Variants in ZNF804A observed in about 807,000 individuals in gnomAD.
The protein encoded by ZNF804A is zinc finger protein 804A.
Under a neutral mutation model 16.5 loss-of-function variants are expected in ZNF804A, and 2 were observed. The ratio of observed to expected loss-of-function variants is 0.12; its 90% CI spans 0.05 to 0.38. ZNF804A has a LOEUF of 0.38. Ranked by LOEUF, ZNF804A falls within the 10% of genes least tolerant of loss-of-function variation. The pLI is 0.99. For missense variants in ZNF804A, 1,473 were observed against 1,390.7 expected, an observed-to-expected ratio of 1.06 and a Z score of -0.94; for synonymous variants, 534 against 489.6, an observed-to-expected ratio of 1.09 and a Z score of -1.20.
intron 1 of ZNF804A, among the ~76,000 whole-genome samples, chr2:184,686,863 T>A (rs2105722697): frequency 6.6e-6 from 1 of 152,344 alleles, no homozygotes; most frequent in East Asian, 1.9e-4. Context: ...CCCATTCATG[T>A]TCTTTGTCCA....
chr2:184,615,552 C>G (rs980836341), intron 1 of ZNF804A, among the ~76,000 whole-genome samples: 3 of 152,102 alleles, frequency 2.0e-5, no homozygotes. Context: ...GTAACAGGAA[C>G]CTACTTGAAA....
chr2:184,903,213 T>C (rs1359644256), intron 2 of ZNF804A, among the ~76,000 whole-genome samples: 2 of 152,186 alleles, frequency 1.3e-5, no homozygotes, highest in Non-Finnish European at 2.9e-5. Flanking sequence ...TCATCAAATC[T>C]GACTCAGTAG....
chr2:184,744,522 T>C (rs1326476756), intron 1 of ZNF804A, among the ~76,000 whole-genome samples: 2 of 151,834 alleles, frequency 1.3e-5, no homozygotes. Context: ...AAGGAATATC[T>C]ATGAACCAGA....
intron 1 of ZNF804A, among the ~76,000 whole-genome samples, chr2:184,762,175 C>A (rs1263041690): frequency 6.7e-6 from 1 of 149,810 alleles, no homozygotes; most frequent in Non-Finnish European, 1.5e-5. Context: ...TTTTGGATAG[C>A]CCTAATGAAA....
chr2:184,647,037 T>G (rs1404842700), intron 1 of ZNF804A, among the ~76,000 whole-genome samples: 1 of 152,274 alleles, frequency 6.6e-6, no homozygotes, highest in African/African-American at 2.4e-5. Context: ...TGCAGCTAGC[T>G]CTTACTTATA....
intron 1 of ZNF804A, among the ~76,000 whole-genome samples, chr2:184,830,574 T>C (rs1275577366): frequency 6.6e-6 from 1 of 152,104 alleles, no homozygotes; most frequent in Non-Finnish European, 1.5e-5. Context: ...TGTAAAGCAA[T>C]GATGCTGTGA....
intron 1 of ZNF804A, among the ~76,000 whole-genome samples, chr2:184,690,970 A>C (rs1692716164): frequency 6.6e-6 from 1 of 152,068 alleles, no homozygotes; most frequent in South Asian, 2.1e-4. Flanking sequence ...TATGCAAAAA[A>C]ATTCACAATA....
At chr2:184,701,018 G>T (rs893404268) in intron 1 of ZNF804A, among the ~76,000 whole-genome samples, 4 of 151,836 alleles carry the variant, frequency 2.6e-5, no homozygotes, top group African/African-American at 7.2e-5. Context: ...ATACATTGTT[G>T]TGAACTATAT....
chr2:184,745,078 CT>C (rs1477912662), intron 1 of ZNF804A, among the ~76,000 whole-genome samples: 3 of 151,768 alleles, frequency 2.0e-5, no homozygotes, highest in Non-Finnish European at 4.4e-5. Flanking sequence ...AGTTATTATA[CT>C]TTATATTACT....
At chr2:184,628,365 T>G (rs1461753305) in intron 1 of ZNF804A, among the ~76,000 whole-genome samples, 6 of 151,982 alleles carry the variant, frequency 3.9e-5, no homozygotes, top group Admixed American at 1.3e-4. Context: ...TTAAGGCTGA[T>G]CTGGTAATAT....
intron 1 of ZNF804A, among the ~76,000 whole-genome samples, chr2:184,741,348 T>A (rs550951375): frequency 2.0e-4 from 31 of 152,322 alleles, no homozygotes; most frequent in African/African-American, 7.5e-4. Flanking sequence ...CTGGCAATGA[T>A]GTGTGACTAT....
chr2:184,726,856 C>CTA (rs951186893), intron 1 of ZNF804A, among the ~76,000 whole-genome samples: 2 of 151,298 alleles, frequency 1.3e-5, no homozygotes, highest in African/African-American at 4.8e-5. Flanking sequence ...TCCATAGTCC[C>CTA]TAAATTTAAA....
chr2:184,825,100 T>C (rs537443457), intron 1 of ZNF804A, among the ~76,000 whole-genome samples: 1 of 152,328 alleles, frequency 6.6e-6, no homozygotes, highest in South Asian at 2.1e-4. Context: ...AATTCTATTT[T>C]ATGAACGAAA....
chr2:184,848,948 A>T (rs1017687412), intron 1 of ZNF804A, among the ~76,000 whole-genome samples: 3 of 152,074 alleles, frequency 2.0e-5, no homozygotes, highest in Admixed American at 2.0e-4. Flanking sequence ...GCTTGTGTGT[A>T]GATAATTTAT....
chr2:184,640,073 TA>T (rs1375906914), intron 1 of ZNF804A, among the ~76,000 whole-genome samples: 11 of 151,930 alleles, frequency 7.2e-5, no homozygotes, highest in African/African-American at 2.7e-4. Context: ...AGTACACATA[TA>T]AATCTAGCCT....
At chr2:184,668,260 C>G (rs900762254) in intron 1 of ZNF804A, among the ~76,000 whole-genome samples, 12 of 151,954 alleles carry the variant, frequency 7.9e-5, no homozygotes, top group Middle Eastern at 3.4e-3. Flanking sequence ...TTAACATATT[C>G]ATCACTTCAC....
intron 1 of ZNF804A, among the ~76,000 whole-genome samples, chr2:184,728,826 A>AT (rs1439613574): frequency 6.6e-6 from 1 of 151,948 alleles, no homozygotes; most frequent in Admixed American, 6.6e-5. Flanking sequence ...TATATACTAC[A>AT]TTTTTTATAC....
chr2:184,925,352 T>A (rs1685593734), intron 2 of ZNF804A, among the ~76,000 whole-genome samples: 1 of 151,984 alleles, frequency 6.6e-6, no homozygotes, highest in Admixed American at 6.6e-5. Context: ...CTATAGCTAC[T>A]CCTATCCTTT....
At chr2:184,615,746 G>A (rs1422829925) in intron 1 of ZNF804A, among the ~76,000 whole-genome samples, 3 of 152,120 alleles carry the variant, frequency 2.0e-5, no homozygotes, top group Non-Finnish European at 4.4e-5. Context: ...TTTCTGGCAA[G>A]TTAAGTTTAG....
Sources: gnomAD v4.1 joint callset for allele counts (sites outside exome capture counted in the v4.1 genomes callset) on GRCh38, gnomAD v4.1.1 for gene constraint, MANE v1.5 for transcripts, NCBI Gene and HGNC (gene_info 2026-07-23, HGNC 2026-07-21) for gene names.